Variants in ANO2 observed in about 807,000 individuals in gnomAD.
ANO2 encodes anoctamin 2, also known as anoctamin-2.
Under a neutral mutation model 124.2 loss-of-function variants are expected in ANO2, and 101 were observed. The observed-to-expected ratio is 0.81, with a 90% CI of 0.69 to 0.96. ANO2 has a LOEUF of 0.96. Ranked by LOEUF, ANO2 falls within the 40% of genes least tolerant of loss-of-function variation. The pLI, the probability that ANO2 is intolerant of heterozygous loss-of-function variation, is 0.00. For missense variants in ANO2, 1,293 were observed against 1,274.5 expected, an observed-to-expected ratio of 1.01 and a Z score of -0.22; for synonymous variants, 486 against 482.5, an observed-to-expected ratio of 1.01 and a Z score of -0.09.
intron 19 of ANO2, among the ~76,000 whole-genome samples, chr12:5,607,424 C>CTT (rs34863392): frequency 1.8e-4 from 27 of 147,018 alleles, no homozygotes; most frequent in Admixed American, 5.4e-4. Flanking sequence ...ACGTAAAAAC[C>CTT]TTTTTTTTTT....
intron 19 of ANO2, among the ~76,000 whole-genome samples, chr12:5,606,952 A>C (rs1233323802): frequency 1.3e-5 from 2 of 152,212 alleles, no homozygotes; most frequent in South Asian, 4.1e-4. Context: ...AGAAGTAAAG[A>C]ATCAACTAAA....
chr12:5,817,096 A>C (rs774220014), intron 7 of ANO2, among the ~76,000 whole-genome samples: 1 of 152,194 alleles, frequency 6.6e-6, no homozygotes, highest in Non-Finnish European at 1.5e-5. Flanking sequence ...AAAAACCTCA[A>C]TGTTAAAGCA....
At chr12:5,887,298 G>A (rs891757183) in intron 3 of ANO2, among the ~76,000 whole-genome samples, 4 of 152,160 alleles carry the variant, frequency 2.6e-5, no homozygotes, top group African/African-American at 9.7e-5. Context: ...ATATAGGAAA[G>A]TGAAAGTTAA....
At chr12:5,570,931 A>G (rs1020219790) in intron 23 of ANO2, among the ~76,000 whole-genome samples, 1 of 152,152 alleles carries the variant, frequency 6.6e-6, no homozygotes, top group Non-Finnish European at 1.5e-5. Context: ...CCAGTGGTTG[A>G]TAAGAATCAG....
chr12:5,683,169 TATC>T lies in ANO2; in HGVS notation c.1546-35371_1546-35369del, dbSNP rs555075614. On this transcript the variant is annotated intron_variant, in intron 14 of 24. Coordinates refer to ENST00000682330, the MANE Select transcript of ANO2 (RefSeq NM_001364791.2). The stretch of plus-strand genomic sequence containing the variant: ...ACCTACCTCCAGCTCTGCCCCCTAT[TATC>T]ATCATAAGTCTTCCATCTCCTTCTC... Among the ~76,000 whole-genome samples the T allele has an allele frequency of 3.6e-3, 543 of 152,298 alleles. 6 individuals are homozygous for T. The highest frequency in any genetic ancestry group is 0.012 in the African/African-American group (497 of 41,566).
rs544943816 is a variant in ANO2, at chr12:5,854,381, G to A, written c.535-240C>T. On this transcript the variant is annotated intron_variant, in intron 3 of 24. Transcript: ENST00000682330. ...TGTTCCCAAAGTGTGGCCCCTGGAA[G>A]TTTGGTAGCTTCAGAGCAAAAAAAA... Among the ~76,000 whole-genome samples, 23 of 102,438 alleles carry A rather than the reference G, an allele frequency of 2.2e-4. No individual in the cohort carries two copies. The South Asian group carries it at 7.2e-3, about 32-fold the overall frequency. 67.2% of individuals were successfully genotyped at this position (102,438 alleles called of 152,430 possible).
chr12:5,722,735 T>C (rs922093826), intron 14 of ANO2, among the ~76,000 whole-genome samples: 3 of 152,144 alleles, frequency 2.0e-5, no homozygotes, highest in Non-Finnish European at 4.4e-5. Context: ...TGTGTGTGTG[T>C]GCACACGTAA....
chr12:5,718,980 G>C (rs1312103497), intron 14 of ANO2, among the ~76,000 whole-genome samples: 1 of 152,198 alleles, frequency 6.6e-6, no homozygotes, highest in South Asian at 2.1e-4. Context: ...TCTCTGGGTT[G>C]CTTGCCCATC....
At chr12:5,589,000 AATGGTCATCT>A (rs1943260069) in intron 20 of ANO2, among the ~76,000 whole-genome samples, 1 of 152,218 alleles carries the variant, frequency 6.6e-6, no homozygotes, top group Non-Finnish European at 1.5e-5. Context: ...CTCTGCCTAC[AATGGTCATCT>A]AAAGATACAA....
chr12:5,738,309 A>G (rs1950956860), intron 13 of ANO2, among the ~76,000 whole-genome samples: 3 of 152,260 alleles, frequency 2.0e-5, no homozygotes, highest in Admixed American at 2.0e-4. Context: ...CAGGGCCACA[A>G]GGCCCCAGGT....
chr12:5,584,639 G>A (rs146739826), intron 20 of ANO2, among the ~76,000 whole-genome samples: 194 of 152,274 alleles, frequency 1.3e-3, no homozygotes, highest in African/African-American at 4.5e-3. Flanking sequence ...CATATTTTAC[G>A]ACTGTGCCCA....
At chr12:5,570,533 G>T (rs934052964) in intron 23 of ANO2, among the ~76,000 whole-genome samples, 12 of 152,006 alleles carry the variant, frequency 7.9e-5, no homozygotes, top group East Asian at 5.8e-4. Context: ...AAAAACTGAG[G>T]TACAGAGAGG....
At chr12:5,746,752 G>A (rs1043441811) in intron 11 of ANO2, among the ~76,000 whole-genome samples, 1 of 152,200 alleles carries the variant, frequency 6.6e-6, no homozygotes, top group African/African-American at 2.4e-5. Flanking sequence ...CACAACGGGA[G>A]AAGGTACAAA....
At chr12:5,920,183 CAGAGGTG>C (rs1270970492) in intron 3 of ANO2, among the ~76,000 whole-genome samples, 1 of 151,766 alleles carries the variant, frequency 6.6e-6, no homozygotes, top group Non-Finnish European at 1.5e-5. Context: ...TTGCACTGAC[CAGAGGTG>C]AGAGTATCTA....
chr12:5,592,188 G>T (rs1357672494), intron 20 of ANO2, among the ~76,000 whole-genome samples: 4 of 152,118 alleles, frequency 2.6e-5, no homozygotes, highest in Non-Finnish European at 5.9e-5. Flanking sequence ...TGAAGGAAAA[G>T]GACTTATGAG....
intron 20 of ANO2, among the ~76,000 whole-genome samples, chr12:5,587,857 C>G (rs1414286625): frequency 6.6e-6 from 1 of 152,136 alleles, no homozygotes; most frequent in East Asian, 1.9e-4. Context: ...CCTCCCTTCA[C>G]CTCGCAGCCC....
chr12:5,915,241 T>C (rs1226387048), intron 3 of ANO2, among the ~76,000 whole-genome samples: 2 of 152,214 alleles, frequency 1.3e-5, no homozygotes, highest in Non-Finnish European at 2.9e-5. Flanking sequence ...AAAGCAAATG[T>C]TCATACTTGA....
intron 3 of ANO2, among the ~76,000 whole-genome samples, chr12:5,919,698 C>T (rs1470968560): frequency 9.9e-6 from 1 of 100,788 alleles, no homozygotes; most frequent in Non-Finnish European, 2.2e-5. Context: ...AAGGGAAGGT[C>T]ATTTTTTTTT....
chr12:5,753,170 G>T (rs1416202499), intron 10 of ANO2, among the ~76,000 whole-genome samples: 3 of 152,168 alleles, frequency 2.0e-5, no homozygotes, highest in Non-Finnish European at 4.4e-5. Flanking sequence ...GAATTTAAGG[G>T]TTTCAATATT....
Sources: allele counts gnomAD v4.1 joint callset (sites outside exome capture counted in the v4.1 genomes callset), GRCh38; gene constraint gnomAD v4.1.1; transcripts MANE v1.5; gene names NCBI Gene and HGNC (gene_info 2026-07-23, HGNC 2026-07-21).